Variants in ENAH observed in about 807,000 individuals in gnomAD.
ENAH encodes the protein protein enabled homolog.
Under a neutral mutation model 78.7 loss-of-function variants are expected in ENAH, and 23 were observed. That is an observed-to-expected ratio of 0.29 (90% confidence interval 0.21 to 0.41). ENAH has a LOEUF of 0.41. Ranked by LOEUF, ENAH falls within the 10% of genes least tolerant of loss-of-function variation. ENAH has a pLI of 1.00. For synonymous variants in ENAH, 226 were observed against 241.0 expected, an observed-to-expected ratio of 0.94 and a Z score of 0.58; for missense variants, 544 against 691.0, an observed-to-expected ratio of 0.79 and a Z score of 2.39.
At chr1:225,641,110 G>A (rs991770300) in intron 1 of ENAH, among the ~76,000 whole-genome samples, 2 of 151,638 alleles carry the variant, frequency 1.3e-5, no homozygotes, top group Admixed American at 6.6e-5. Context: ...TGATCCACCC[G>A]CCTCAGCCTC....
intron 1 of ENAH, among the ~76,000 whole-genome samples, chr1:225,607,323 G>A (rs1454852857): frequency 2.0e-5 from 3 of 152,158 alleles, no homozygotes. Context: ...TGGGCCACAT[G>A]TGGCCCACAG....
chr1:225,621,358 T>A (rs1287234978), intron 1 of ENAH, among the ~76,000 whole-genome samples: 1 of 150,878 alleles, frequency 6.6e-6, no homozygotes, highest in Non-Finnish European at 1.5e-5. Context: ...AGTGGCGGGA[T>A]CTCGGCTCAC....
In ENAH at chr1:225,555,045, G is replaced by A; in HGVS notation, c.210C>T (p.Tyr70=). Residue 70 remains tyrosine, a synonymous_variant, in exon 3 of 14, where the codon TAC becomes TAT. Coordinates refer to ENST00000366843, the MANE Select transcript of ENAH (RefSeq NM_018212.6). ...INCAIPKGLK[Y]NQATQTFHQW... ...GGTGGAAGGTCTGTGTAGCTTGATT[G>A]TACTTCAACCCTTTAGGAATGGCAC... is the stretch of plus-strand genomic sequence containing the variant. 6.3e-7 allele frequency: 1 copy of A among 1,590,692 alleles called. No homozygotes were observed. The highest frequency in any genetic ancestry group is 8.6e-7 in the Non-Finnish European group (1 of 1,161,420).
intron 1 of ENAH, among the ~76,000 whole-genome samples, chr1:225,591,697 G>A (rs780520359): frequency 7.4e-5 from 11 of 149,506 alleles, no homozygotes; most frequent in East Asian, 2.0e-4. Context: ...CCCGGGAGGC[G>A]GAGGCTGCAG....
At chr1:225,616,394 G>C (rs565132374) in intron 1 of ENAH, among the ~76,000 whole-genome samples, 17 of 149,184 alleles carry the variant, frequency 1.1e-4, no homozygotes, top group Non-Finnish European at 2.1e-4. Flanking sequence ...AATTATTTCA[G>C]ACTCACTGGT....
intron 1 of ENAH, among the ~76,000 whole-genome samples, chr1:225,593,917 A>G (rs954298180): frequency 2.0e-5 from 3 of 152,214 alleles, no homozygotes; most frequent in Non-Finnish European, 4.4e-5. Flanking sequence ...TTAACAATCA[A>G]CAGTTGCTTG....
intron 3 of ENAH, among the ~76,000 whole-genome samples, chr1:225,531,706 C>G (rs914625655): frequency 6.6e-6 from 1 of 152,038 alleles, no homozygotes; most frequent in African/African-American, 2.4e-5. Context: ...CTTCTGTGCA[C>G]TAAATTCTTG....
intron 1 of ENAH, among the ~76,000 whole-genome samples, chr1:225,602,599 A>G (rs2096936497): frequency 2.6e-5 from 4 of 152,130 alleles, no homozygotes; most frequent in Admixed American, 2.6e-4. Context: ...AATAGAAGGG[A>G]GTTTCCTTAA....
intron 3 of ENAH, among the ~76,000 whole-genome samples, chr1:225,536,775 TTACA>T (rs1314308302): frequency 2.0e-5 from 3 of 152,014 alleles, no homozygotes; most frequent in African/African-American, 4.8e-5. Flanking sequence ...TTTGAAAATA[TTACA>T]TACACTGTAT....
In ENAH at chr1:225,566,736, G is replaced by A. The variant is rs572207169; in HGVS notation, c.171+513C>T. On this transcript the variant is annotated intron_variant, in intron 2 of 13. Transcript: ENST00000366843. ...AGCTACTTTCTAAGAAATCCAGAGC[G>A]AGGAATTAGTAAAAGCTTAGCTGTC... is the stretch of plus-strand genomic sequence containing the variant. Among the ~76,000 whole-genome samples the A allele has an allele frequency of 7.2e-5, 11 of 152,298 alleles. 1 individual carries two copies. The South Asian group carries it at 2.1e-3, about 29-fold the overall frequency.
upstream of ENAH, among the ~76,000 whole-genome samples, chr1:225,653,377 C>T (rs1663423359): frequency 6.6e-6 from 1 of 151,794 alleles, no homozygotes; most frequent in African/African-American, 2.4e-5. This position sits in a 1 kb window ranked among gnomAD's most constrained non-coding sequence, Gnocchi z 4.3. Flanking sequence ...CTCCCTACCC[C>T]GCCCCCTGCA....
At chr1:225,562,935 T>C (rs565572528) in intron 2 of ENAH, among the ~76,000 whole-genome samples, 2 of 151,190 alleles carry the variant, frequency 1.3e-5, no homozygotes, top group Admixed American at 6.6e-5. Flanking sequence ...GTCACACCAC[T>C]GCATTCCAGC....
intron 10 of ENAH, among the ~76,000 whole-genome samples, 199 bp from the exon 11 acceptor site, chr1:225,508,216 T>C (rs1217306091): frequency 6.6e-6 from 1 of 152,154 alleles, no homozygotes; most frequent in East Asian, 1.9e-4. Flanking sequence ...GAAGAAATTA[T>C]AAGCTAGTAC....
chr1:225,645,476 A>G (rs1212575840), intron 1 of ENAH, among the ~76,000 whole-genome samples: 1 of 152,232 alleles, frequency 6.6e-6, no homozygotes, highest in African/African-American at 2.4e-5. Flanking sequence ...TTTGGCTGTT[A>G]TGAATAACGA....
At chr1:225,650,482 G>A (rs1432304570) in intron 1 of ENAH, among the ~76,000 whole-genome samples, 1 of 152,162 alleles carries the variant, frequency 6.6e-6, no homozygotes, top group African/African-American at 2.4e-5. Context: ...AAACTTCACT[G>A]AATACCCAAA....
At chr1:225,621,175 TA>T (rs1202923328) in intron 1 of ENAH, among the ~76,000 whole-genome samples, 2 of 152,230 alleles carry the variant, frequency 1.3e-5, no homozygotes, top group African/African-American at 4.8e-5. Flanking sequence ...GTGACAATGC[TA>T]TCATCCTATT....
intron 1 of ENAH, among the ~76,000 whole-genome samples, chr1:225,651,085 T>C (rs1662907236): frequency 6.6e-6 from 1 of 152,040 alleles, no homozygotes; most frequent in Admixed American, 6.6e-5. Flanking sequence ...AAAGAAGTCA[T>C]GCTCAAACAT....
intron 1 of ENAH, among the ~76,000 whole-genome samples, chr1:225,647,232 AAAAC>A (rs1297645685): frequency 6.6e-6 from 1 of 152,236 alleles, no homozygotes; most frequent in Non-Finnish European, 1.5e-5. Context: ...TCAAAAAACA[AAAAC>A]AAAAAAAGAA....
chr1:225,603,741 T>C (rs1013013343), intron 1 of ENAH, among the ~76,000 whole-genome samples: 1 of 152,180 alleles, frequency 6.6e-6, no homozygotes, highest in African/African-American at 2.4e-5. Context: ...AAGAAAAACA[T>C]TGGTATCTAC....
Sources: allele counts gnomAD v4.1 joint callset (sites outside exome capture counted in the v4.1 genomes callset), GRCh38; gene constraint gnomAD v4.1.1; non-coding constraint Gnocchi (gnomAD v3.1); transcripts MANE v1.5; gene names NCBI Gene and HGNC (gene_info 2026-07-23, HGNC 2026-07-21).